Variants in CTNNA2 observed in about 807,000 individuals in gnomAD.
The protein encoded by CTNNA2 is catenin alpha 2, also known as catenin alpha-2.
Under a neutral mutation model 101.0 loss-of-function variants are expected in CTNNA2, and 42 were observed. That is an observed-to-expected ratio of 0.42 (90% CI 0.32 to 0.54). The LOEUF is 0.54. Among genes scored for constraint, CTNNA2 ranks in the 20% least tolerant of loss-of-function variants. The pLI is 0.14. For missense variants in CTNNA2, 871 were observed against 1,223.1 expected, an observed-to-expected ratio of 0.71 and a Z score of 4.29; for synonymous variants, 450 against 456.4, an observed-to-expected ratio of 0.99 and a Z score of 0.18.
At chr2:79,253,960 A>C (rs1674806874) in intron 2 of CTNNA2, among the ~76,000 whole-genome samples, 2 of 152,164 alleles carry the variant, frequency 1.3e-5, no homozygotes, top group Non-Finnish European at 2.9e-5. Context: ...GGACCAAGAT[A>C]CAGAAGTTTT....
At chr2:80,539,311 CTT>C (rs763178918) in intron 9 of CTNNA2, among the ~76,000 whole-genome samples, 2,480 of 110,334 alleles carry the variant, frequency 0.022, 75 homozygotes, top group African/African-American at 0.073. Context: ...GCTCTCCTTG[CTT>C]TTTTTTTTTT....
At chr2:80,011,391 C>T (rs1693770112) in intron 7 of CTNNA2, among the ~76,000 whole-genome samples, 1 of 152,084 alleles carries the variant, frequency 6.6e-6, no homozygotes, top group Non-Finnish European at 1.5e-5. Flanking sequence ...AGGCTTGGCC[C>T]ATAACTGTTT....
rs765512356 is a variant in CTNNA2, at chr2:80,303,431, T to C, written c.1057-89780T>C. 3.1e-6 allele frequency: 5 copies of C among 1,614,016 alleles called. No homozygotes were observed. In the South Asian group the frequency reaches 5.5e-5, roughly 18 times the overall value. On this transcript the variant is annotated intron_variant, in intron 7 of 18. Coordinates refer to ENST00000402739, the MANE Select transcript of CTNNA2 (RefSeq NM_001282597.3). The surrounding 1 kb of genome is among the most constrained non-coding windows in gnomAD (Gnocchi z 7.7). ...GTTGGGCATGGGCCGGAAGGTGGTGTTGGGCAGTTGGGTGATCTGGTTGGA... is the reference window on the plus strand; with the variant it reads ...GTTGGGCATGGGCCGGAAGGTGGTGCTGGGCAGTTGGGTGATCTGGTTGGA...
intron 3 of CTNNA2, among the ~76,000 whole-genome samples, chr2:79,812,705 A>G (rs972761654): frequency 6.6e-6 from 1 of 152,102 alleles, no homozygotes; most frequent in Non-Finnish European, 1.5e-5. Context: ...TAGCAGTGAT[A>G]TTTGTAGTAA....
rs528497614 is a variant in CTNNA2, at chr2:79,572,956, A to G, written c.-6+59749A>G. ...GTTTTTAGTTGCTGCCACGGCCAGA[A>G]TGTTTCACATATGGCACATTAATTA... On this transcript the variant is annotated intron_variant, in intron 1 of 18. Coordinates refer to ENST00000402739, the MANE Select transcript of CTNNA2 (RefSeq NM_001282597.3). Among the ~76,000 whole-genome samples, 4 of 152,194 alleles carry G rather than the reference A, an allele frequency of 2.6e-5. No individual in the cohort carries two copies. The South Asian group carries it at 8.3e-4, about 32-fold the overall frequency.
At chr2:79,913,847 A>G (rs1333760708) in intron 7 of CTNNA2, among the ~76,000 whole-genome samples, 1 of 152,144 alleles carries the variant, frequency 6.6e-6, no homozygotes, top group Non-Finnish European at 1.5e-5. Context: ...GTTGCACAGG[A>G]AATTCTGATT....
chr2:79,466,272 C>T (rs998906962), intron 4 of CTNNA2, among the ~76,000 whole-genome samples: 16 of 152,160 alleles, frequency 1.1e-4, no homozygotes, highest in Non-Finnish European at 2.4e-4. Flanking sequence ...CATGGAGACT[C>T]GCTCATTGCT....
intron 3 of CTNNA2, among the ~76,000 whole-genome samples, chr2:79,373,668 CA>C (rs1458931167): frequency 2.1e-5 from 1 of 48,708 alleles, no homozygotes; most frequent in Non-Finnish European, 3.6e-5. Flanking sequence ...TCCCTGGAAG[CA>C]TTTTTTTAAA....
intron 7 of CTNNA2, among the ~76,000 whole-genome samples, chr2:79,991,871 G>A (rs1172861243): frequency 6.6e-6 from 1 of 152,102 alleles, no homozygotes; most frequent in Non-Finnish European, 1.5e-5. Flanking sequence ...CTGTATATTT[G>A]CCAATTCTTT....
intron 9 of CTNNA2, among the ~76,000 whole-genome samples, chr2:80,479,488 G>C (rs1251332469): frequency 6.6e-6 from 1 of 152,084 alleles, no homozygotes; most frequent in East Asian, 1.9e-4. Flanking sequence ...AAAGGAATGG[G>C]ATGTATAGCA....
At chr2:80,073,973 A>T (rs1698521444) in intron 7 of CTNNA2, among the ~76,000 whole-genome samples, 1 of 152,192 alleles carries the variant, frequency 6.6e-6, no homozygotes, top group Non-Finnish European at 1.5e-5. Flanking sequence ...TCTAATATTG[A>T]CCTACGGGTA....
At chr2:79,262,217 A>G in intron 2 of CTNNA2, among the ~76,000 whole-genome samples, 1 of 152,186 alleles carries the variant, frequency 6.6e-6, no homozygotes, top group Non-Finnish European at 1.5e-5. Flanking sequence ...AGGTACTCCT[A>G]TATGGAATAA....
intron 3 of CTNNA2, among the ~76,000 whole-genome samples, chr2:79,821,231 T>G (rs1351291967): frequency 6.6e-6 from 1 of 152,166 alleles, no homozygotes; most frequent in Admixed American, 6.5e-5. Context: ...TTTTTTTAGA[T>G]GAAGCCTTGC....
chr2:79,672,536 T>C (rs1349685994), intron 2 of CTNNA2, among the ~76,000 whole-genome samples: 2 of 152,132 alleles, frequency 1.3e-5, no homozygotes, highest in Non-Finnish European at 2.9e-5. Flanking sequence ...CAAGTCAACA[T>C]TGCAATTATC....
intron 7 of CTNNA2, among the ~76,000 whole-genome samples, chr2:79,923,541 A>G (rs1466403755): frequency 1.3e-5 from 2 of 152,172 alleles, no homozygotes; most frequent in Non-Finnish European, 2.9e-5. Context: ...ACATCAAACT[A>G]ATTAACATAT....
intron 3 of CTNNA2, among the ~76,000 whole-genome samples, chr2:79,771,114 G>C (rs1326361731): frequency 2.0e-5 from 3 of 152,162 alleles, no homozygotes; most frequent in African/African-American, 7.2e-5. Flanking sequence ...TACCTATTAT[G>C]TGGTGAATCA....
chr2:80,122,740 A>T (rs1403150656), intron 7 of CTNNA2, among the ~76,000 whole-genome samples: 1 of 152,072 alleles, frequency 6.6e-6, no homozygotes, highest in Admixed American at 6.6e-5. Flanking sequence ...CCTATGCAAA[A>T]GTGTGTGTGT....
intron 7 of CTNNA2, among the ~76,000 whole-genome samples, chr2:80,332,819 A>T (rs1291786436): frequency 6.6e-6 from 1 of 152,142 alleles, no homozygotes; most frequent in Non-Finnish European, 1.5e-5. Flanking sequence ...ATCTCAGGGG[A>T]ATGAATATAC....
intron 18 of CTNNA2, among the ~76,000 whole-genome samples, chr2:80,631,180 ATAT>A (rs965867346): frequency 1.3e-5 from 2 of 152,190 alleles, no homozygotes; most frequent in African/African-American, 4.8e-5. Context: ...TTTCATCTTA[ATAT>A]TAAGCATGAT....
Sources: gnomAD v4.1 joint callset for allele counts (sites outside exome capture counted in the v4.1 genomes callset) on GRCh38, gnomAD v4.1.1 for gene constraint, Gnocchi (gnomAD v3.1) non-coding constraint, MANE v1.5 for transcripts, NCBI Gene and HGNC (gene_info 2026-07-23, HGNC 2026-07-21) for gene names.